The following PRUNE1 variants were observed in gnomAD, a reference collection of about 807,000 sequenced individuals.
PRUNE1 encodes prune exopolyphosphatase 1.
In PRUNE1, 25 loss-of-function variants were observed where a neutral mutation model predicts 42.5. That is an observed-to-expected ratio of 0.59 (90% CI 0.43 to 0.82). PRUNE1 has a LOEUF of 0.82. PRUNE1 is among the 40% of genes least tolerant of loss of function. The pLI is 0.00. For missense variants in PRUNE1, 443 were observed against 539.3 expected, an observed-to-expected ratio of 0.82 and a Z score of 1.77; for synonymous variants, 203 against 217.1, an observed-to-expected ratio of 0.93 and a Z score of 0.57.
In PRUNE1 at chr1:151,024,626, AGAG is replaced by A; in HGVS notation, c.356_358del (p.Glu119del). The A allele has an allele frequency of 6.2e-7, 1 of 1,608,966 alleles. No homozygotes were observed. The highest frequency in any genetic ancestry group is 8.5e-7 in the Non-Finnish European group (1 of 1,175,342). ...CCCTCCACAGAAGTGACACAGCCCT[AGAG>A]GAGGCAGTAGCAGAGGTGCTAGACC... On this transcript the variant is annotated inframe_deletion, in exon 4 of 8. Coordinates refer to ENST00000271620, the MANE Select transcript of PRUNE1 (RefSeq NM_021222.3).
chr1:151,025,158 TA>T (rs35413954), intron 4 of PRUNE1, among the ~76,000 whole-genome samples: 1 of 150,148 alleles, frequency 6.7e-6, no homozygotes, highest in African/African-American at 2.4e-5. Flanking sequence ...TTTCCACTTG[TA>T]AAAAAAAAGA....
intron 7 of PRUNE1, among the ~76,000 whole-genome samples, chr1:151,031,517 A>G (rs1675248117): frequency 6.6e-6 from 1 of 151,824 alleles, no homozygotes; most frequent in Non-Finnish European, 1.5e-5. Context: ...CTACTCTACC[A>G]TCTCCTCTCT....
chr1:151,027,913 G>A lies in PRUNE1; in HGVS notation c.774+586G>A, dbSNP rs1427223749. On this transcript the variant is annotated intron_variant, in intron 6 of 7. Transcript: ENST00000271620. ...TTATAGGCGTGAGCCACTGTGCCCG[G>A]CCTCATTGTATTTTTAATAAAATCT... 2.6e-5 allele frequency among the ~76,000 whole-genome samples: 4 copies of A among 152,218 alleles called. No individual in the cohort carries two copies. In the East Asian group the frequency reaches 5.8e-4, roughly 22 times the overall value.
At position 151,010,079 on chromosome 1, in the gene PRUNE1, A is replaced by G. The variant is rs75972681; in HGVS notation, c.39+1408A>G. 6.4e-4 allele frequency among the ~76,000 whole-genome samples: 97 copies of G among 152,176 alleles called. 1 individual carries two copies. Among genetic ancestry groups the G allele is most frequent in the African/African-American group, 2.2e-3 (93 of 41,536 alleles). Reference sequence around the variant, plus strand: ...AGCCTCCCCCGACCCCCAGGTTAGTAGTATATTCTCTATTTTTATTTTGTA... The same window carrying G: ...AGCCTCCCCCGACCCCCAGGTTAGTGGTATATTCTCTATTTTTATTTTGTA... On this transcript the variant is annotated intron_variant, in intron 1 of 7. Coordinates refer to ENST00000271620, the MANE Select transcript of PRUNE1 (RefSeq NM_021222.3).
At chr1:151,021,062 GC>G (rs1331843830) in intron 3 of PRUNE1, among the ~76,000 whole-genome samples, 2 of 149,520 alleles carry the variant, frequency 1.3e-5, no homozygotes, top group African/African-American at 5.0e-5. Context: ...CAGGAGAATC[GC>G]TTGAACCTAG....
intron 1 of PRUNE1, among the ~76,000 whole-genome samples, chr1:151,013,724 C>G (rs778695010): frequency 2.6e-5 from 4 of 152,186 alleles, no homozygotes; most frequent in African/African-American, 9.7e-5. Context: ...AGAACACTCG[C>G]TCCCCCTAAC....
At chr1:151,030,271 A>C (rs1054146078) in intron 7 of PRUNE1, among the ~76,000 whole-genome samples, 1 of 152,034 alleles carries the variant, frequency 6.6e-6, no homozygotes, top group South Asian at 2.1e-4. Context: ...CCAAAAAAAA[A>C]AAAAAAAAAG....
chr1:151,029,239 A>G (rs1675076943), intron 7 of PRUNE1, among the ~76,000 whole-genome samples: 1 of 151,830 alleles, frequency 6.6e-6, no homozygotes, highest in Admixed American at 6.6e-5. Context: ...AAAGAACGAA[A>G]TCTAGTTAGA....
chr1:151,034,190 A>C lies in PRUNE1; in HGVS notation c.1318A>C (p.Ile440Leu). 2 of 1,613,974 alleles carry C rather than the reference A, an allele frequency of 1.2e-6. No individual in the cohort carries two copies. The highest frequency in any genetic ancestry group is 1.7e-6 in the Non-Finnish European group (2 of 1,180,020). The part of the protein sequence containing the change: ...AEAVFEKCSQ[I>L]SLSQSTTASL... ...GGCCGTCTTCGAGAAGTGCAGTCAGATCTCACTGTCACAGTCTACCACAGC... is the reference window on the plus strand; with the variant it reads ...GGCCGTCTTCGAGAAGTGCAGTCAGCTCTCACTGTCACAGTCTACCACAGC... The change falls in exon 8 of 8, where the codon ATC becomes CTC. Residue 440 changes from isoleucine (I) to leucine (L), a missense_variant. Coordinates refer to ENST00000271620, the MANE Select transcript of PRUNE1 (RefSeq NM_021222.3).
Position 151,034,205 on chromosome 1 carries a change from T to C in PRUNE1, c.1333T>C (p.Ser445Pro). The C allele has an allele frequency of 6.2e-7, 1 of 1,612,936 alleles. No homozygotes were observed. Among genetic ancestry groups the C allele is most frequent in the Non-Finnish European group, 8.5e-7 (1 of 1,179,324 alleles). The change falls in exon 8 of 8, where the codon TCT (serine) becomes CCT (proline). Residue 445 changes from serine (S) to proline (P), a missense_variant. Physicochemically the swap from Ser to Pro is moderately conservative, Grantham distance 74 (BLOSUM62 -1). Transcript: ENST00000271620. ...EKCSQISLSQSTTASLSKK is the reference protein window; with the variant it reads ...EKCSQISLSQPTTASLSKK ...GTGCAGTCAGATCTCACTGTCACAG[T>C]CTACCACAGCCTCCCTGTCCAAGAA...
chr1:151,028,810 C>T lies in PRUNE1; in HGVS notation c.799C>T (p.Leu267Phe), dbSNP rs1163771107. Residue 267 changes from leucine to phenylalanine, a missense_variant, in exon 7 of 8, where the codon CTT becomes TTT. Physicochemically the swap from Leu to Phe is conservative, Grantham distance 22. Transcript: ENST00000271620. ...GGCCTTTCTGCAGAGGTCTAACCTCCTTGCAGATCTCCATGCTTTCTGCCA... is the reference window on the plus strand; with the variant it reads ...GGCCTTTCTGCAGAGGTCTAACCTCTTTGCAGATCTCCATGCTTTCTGCCA... ...LEAFLQRSNL[L>F]ADLHAFCQAH... 2 of 1,613,978 alleles carry T rather than the reference C, an allele frequency of 1.2e-6. No individual in the cohort carries two copies. Among genetic ancestry groups the T allele is most frequent in the African/African-American group, 2.7e-5 (2 of 74,894 alleles).
intron 3 of PRUNE1, among the ~76,000 whole-genome samples, chr1:151,021,969 T>G (rs1466573679): frequency 7.8e-6 from 1 of 128,598 alleles, no homozygotes; most frequent in African/African-American, 3.5e-5. Flanking sequence ...TGCCACCACC[T>G]TTTTTTTTTT....
At chr1:151,029,973 T>C (rs28409465) in intron 7 of PRUNE1, among the ~76,000 whole-genome samples, 1 of 151,892 alleles carries the variant, frequency 6.6e-6, no homozygotes, top group Non-Finnish European at 1.5e-5. Flanking sequence ...AATTTAAAAG[T>C]GGGCTTAAGG....
chr1:151,024,835 TC>T (rs779051215), intron 4 of PRUNE1, 40 bp downstream of exon 4: 12 of 1,561,334 alleles, frequency 7.7e-6, no homozygotes, highest in Non-Finnish European at 1.0e-5. Context: ...GTAGTTCTAT[TC>T]CTGTCCCTGA....
chr1:151,034,448 T>C lies in PRUNE1; in HGVS notation c.*214T>C. 1 of 549,742 alleles carries C rather than the reference T, an allele frequency of 1.8e-6. No individual in the cohort carries two copies. 34.1% of individuals were successfully genotyped at this position (549,742 alleles called of 1,614,324 possible). A position where few individuals can be genotyped will look rare whatever the true frequency, so the allele number is the denominator to read the frequency against. ...CCCTAATCTCTACCAATCAGACACA[T>C]TTTATTATTTAAATCTGCACCTCTC... On this transcript the variant is annotated 3_prime_UTR_variant, in exon 8 of 8. Transcript: ENST00000271620.
intron 7 of PRUNE1, 97 bp from the exon 8 acceptor site, chr1:151,033,709 A>T: frequency 1.6e-6 from 2 of 1,255,316 alleles, no homozygotes; most frequent in Non-Finnish European, 2.2e-6. Flanking sequence ...TACTTTTTAA[A>T]AGCTTCCTCT....
intron 1 of PRUNE1, among the ~76,000 whole-genome samples, chr1:151,015,865 T>C (rs1196455233): frequency 6.6e-6 from 1 of 152,026 alleles, no homozygotes; most frequent in African/African-American, 2.4e-5. Context: ...CATGCTGAAA[T>C]TGAGAAACCC....
In PRUNE1 at chr1:151,034,482, A is replaced by C. The variant is rs1222267061; in HGVS notation, c.*248A>C. On this transcript the variant is annotated 3_prime_UTR_variant, in exon 8 of 8. Coordinates refer to ENST00000271620, the MANE Select transcript of PRUNE1 (RefSeq NM_021222.3). The stretch of plus-strand genomic sequence containing the variant: ...TTAAATCTGCACCTCTCTCTATTTT[A>C]TTTGCCAGGGGCACGATGTGACATA... The C allele has an allele frequency of 2.1e-6, 1 of 470,224 alleles. No individual in the cohort carries two copies. The highest frequency in any genetic ancestry group is 3.8e-6 in the Non-Finnish European group (1 of 260,170). 29.1% of individuals were successfully genotyped at this position (470,224 alleles called of 1,614,324 possible). A position where few individuals can be genotyped will look rare whatever the true frequency, so the allele number is the denominator to read the frequency against.
intron 7 of PRUNE1, among the ~76,000 whole-genome samples, chr1:151,033,539 C>T (rs587771940): frequency 4.0e-5 from 6 of 151,782 alleles, no homozygotes; most frequent in African/African-American, 7.2e-5. Flanking sequence ...TACAGGCACC[C>T]GCCACCATGC....
Sources: allele counts gnomAD v4.1 joint callset (sites outside exome capture counted in the v4.1 genomes callset), GRCh38; gene constraint gnomAD v4.1.1; transcripts MANE v1.5; gene names NCBI Gene and HGNC (gene_info 2026-07-23, HGNC 2026-07-21).